MRTFB: variants seen among roughly 807,000 people sequenced by gnomAD.
The protein encoded by MRTFB is myocardin-related transcription factor B.
In MRTFB, 29 loss-of-function variants were observed where a neutral mutation model predicts 104.2. The observed-to-expected ratio is 0.28, with a 90% CI of 0.21 to 0.38. The LOEUF (loss-of-function observed/expected upper bound fraction) is 0.38. Among genes scored for constraint, MRTFB ranks in the 10% least tolerant of loss-of-function variants. The pLI, the probability that MRTFB is intolerant of heterozygous loss-of-function variation, is 1.00. For synonymous variants in MRTFB, 535 were observed against 519.5 expected (o/e 1.03, Z -0.41); for missense variants, 1,270 against 1,341.6 (o/e 0.95, Z 0.83).
At chr16:14,193,356 A>G (rs145939954) in intron 3 of MRTFB, among the ~76,000 whole-genome samples, 79 of 151,452 alleles carry the variant, frequency 5.2e-4, no homozygotes, top group African/African-American at 1.7e-3. Flanking sequence ...AGCCTTGCCT[A>G]TGTTTCCAGA....
chr16:14,204,800 G>T (rs536574266), intron 3 of MRTFB, among the ~76,000 whole-genome samples: 3 of 152,148 alleles, frequency 2.0e-5, no homozygotes, highest in African/African-American at 4.8e-5. Flanking sequence ...TGGTTAATAC[G>T]TGAGGAAATT....
At chr16:14,127,483 A>T (rs1040630597) in intron 2 of MRTFB, among the ~76,000 whole-genome samples, 1 of 151,862 alleles carries the variant, frequency 6.6e-6, no homozygotes, top group Non-Finnish European at 1.5e-5. Context: ...TCTACTAAAA[A>T]TACAAAAAAA....
chr16:14,235,753 CCTCTA>C lies in MRTFB; in HGVS notation c.831+1472_831+1476del, dbSNP rs1261393586. 5.9e-5 allele frequency among the ~76,000 whole-genome samples: 9 copies of C among 152,306 alleles called. No individual in the cohort carries two copies. In the East Asian group the frequency reaches 1.7e-3, roughly 29 times the overall value. The stretch of plus-strand genomic sequence containing the variant: ...CTAGTTATTATGTTTCTGTGCCCCT[CCTCTA>C]CAGGTGCCTTCCTGACAGTGGCTGG... On this transcript the variant is annotated intron_variant, in intron 9 of 16. Transcript: ENST00000571589.
intron 8 of MRTFB, among the ~76,000 whole-genome samples, chr16:14,224,150 C>T (rs1161542149): frequency 1.3e-5 from 2 of 152,204 alleles, no homozygotes; most frequent in African/African-American, 2.4e-5. Context: ...CCCATGAGAA[C>T]TCATTCACTA....
chr16:14,179,515 C>A (rs1457247814), intron 3 of MRTFB, among the ~76,000 whole-genome samples: 1 of 152,142 alleles, frequency 6.6e-6, no homozygotes, highest in Non-Finnish European at 1.5e-5. Flanking sequence ...CATGAACACC[C>A]AAGAATACAT....
chr16:14,210,047 T>G (rs927626328), intron 3 of MRTFB, among the ~76,000 whole-genome samples, 196 bp from the exon 4 acceptor site: 1 of 152,244 alleles, frequency 6.6e-6, no homozygotes, highest in African/African-American at 2.4e-5. Context: ...CTGTGTAAAC[T>G]TTAGTGTTCA....
At chr16:14,026,736 A>G in the MRTFB span, among the ~76,000 whole-genome samples, 1 of 152,236 alleles carries the variant, frequency 6.6e-6, no homozygotes, top group Non-Finnish European at 1.5e-5. Flanking sequence ...GAAAATGGGC[A>G]AAAGGCATGA....
the MRTFB span, among the ~76,000 whole-genome samples, chr16:14,028,153 G>C: frequency 6.6e-6 from 1 of 151,854 alleles, no homozygotes; most frequent in Non-Finnish European, 1.5e-5. Context: ...CTCCAGCCTG[G>C]GGCACAGAAT....
intron 2 of MRTFB, among the ~76,000 whole-genome samples, chr16:14,132,752 C>T (rs1001953016): frequency 6.6e-6 from 1 of 152,172 alleles, no homozygotes; most frequent in Non-Finnish European, 1.5e-5. Flanking sequence ...TCTTAGCCAT[C>T]CGCCTCTTGA....
intron 13 of MRTFB, 106 bp downstream of exon 13, chr16:14,249,187 CT>C: frequency 7.6e-7 from 1 of 1,312,696 alleles, no homozygotes; most frequent in Non-Finnish European, 1.0e-6. Context: ...CCTGTTCATT[CT>C]TTTCTGTGAT....
At chr16:14,241,434 C>T (rs890995808) in intron 10 of MRTFB, 1 of 152,186 alleles carries the variant, frequency 6.6e-6, no homozygotes, top group Non-Finnish European at 1.5e-5. Flanking sequence ...GATATACATT[C>T]CCAATATGCT....
chr16:14,258,013 C>A, intron 15 of MRTFB, 88 bp from the exon 16 acceptor site: 2 of 1,116,492 alleles, frequency 1.8e-6, no homozygotes, highest in Non-Finnish European at 2.7e-6. Context: ...AGAACTAAAT[C>A]ATCTAGAAAG....
chr16:14,034,253 G>A, the MRTFB span, among the ~76,000 whole-genome samples: 1 of 152,362 alleles, frequency 6.6e-6, no homozygotes, highest in East Asian at 1.9e-4. Flanking sequence ...TCTGGAAGCT[G>A]TGAGGGAGAA....
chr16:14,069,220 G>A (rs1202047060), upstream of MRTFB, among the ~76,000 whole-genome samples: 1 of 151,918 alleles, frequency 6.6e-6, no homozygotes, highest in African/African-American at 2.4e-5. Flanking sequence ...ATCCACCTGC[G>A]TCAGCCTCCC....
intron 2 of MRTFB, among the ~76,000 whole-genome samples, chr16:14,124,983 A>G (rs1013467497): frequency 7.2e-5 from 11 of 152,160 alleles, no homozygotes; most frequent in Admixed American, 1.3e-4. Flanking sequence ...ATAGGGTTGA[A>G]TTGTTCAAAA....
chr16:14,157,200 T>C (rs1429211656), intron 3 of MRTFB, among the ~76,000 whole-genome samples: 3 of 152,204 alleles, frequency 2.0e-5, no homozygotes, highest in Non-Finnish European at 2.9e-5. Flanking sequence ...TATTGTGATA[T>C]TGGGAGGATT....
chr16:14,140,890 G>C, intron 3 of MRTFB, 130 bp downstream of exon 3: 1 of 869,684 alleles, frequency 1.1e-6, no homozygotes, highest in Admixed American at 2.7e-5. Flanking sequence ...CCCTGTAGAG[G>C]TACTGGATGG....
At chr16:14,176,598 A>G (rs575801104) in intron 3 of MRTFB, among the ~76,000 whole-genome samples, 13 of 152,308 alleles carry the variant, frequency 8.5e-5, no homozygotes, top group African/African-American at 3.1e-4. Flanking sequence ...TCCTCACAGA[A>G]CCCATTGAAC....
At chr16:14,256,759 A>G (rs181975570) in intron 15 of MRTFB, among the ~76,000 whole-genome samples, 96 of 152,376 alleles carry the variant, frequency 6.3e-4, no homozygotes, top group African/African-American at 2.2e-3. Context: ...AAACTGTGAC[A>G]TAATAATTTT....
Sources: allele counts gnomAD v4.1 joint callset (sites outside exome capture counted in the v4.1 genomes callset), GRCh38; gene constraint gnomAD v4.1.1; transcripts MANE v1.5; gene names NCBI Gene and HGNC (gene_info 2026-07-23, HGNC 2026-07-21).